The following PDIA5 variants were observed in gnomAD, a reference collection of about 807,000 sequenced individuals.
The protein encoded by PDIA5 is protein disulfide isomerase family A member 5, also known as protein disulfide-isomerase A5.
Under a neutral mutation model 77.6 loss-of-function variants are expected in PDIA5, and 58 were observed. The observed-to-expected ratio is 0.75, with a 90% CI of 0.61 to 0.93. PDIA5 has a LOEUF of 0.93. Among genes scored for constraint, PDIA5 ranks in the 40% least tolerant of loss-of-function variants. PDIA5 has a pLI of 0.00. For missense variants in PDIA5, 630 were observed against 647.7 expected, an observed-to-expected ratio of 0.97 and a Z score of 0.30; for synonymous variants, 250 against 252.1, an observed-to-expected ratio of 0.99 and a Z score of 0.08.
intron 1 of PDIA5, among the ~76,000 whole-genome samples, chr3:123,081,379 G>A (rs776534058): frequency 2.0e-5 from 3 of 152,150 alleles, no homozygotes; most frequent in Non-Finnish European, 2.9e-5. Context: ...TGTTCTTTCC[G>A]CCAAACCACC....
intron 11 of PDIA5, among the ~76,000 whole-genome samples, chr3:123,136,172 T>TG (rs1935498832): frequency 6.6e-6 from 1 of 152,150 alleles, no homozygotes; most frequent in Non-Finnish European, 1.5e-5. Flanking sequence ...TGGGCTCAAG[T>TG]GATTCTCCTG....
chr3:123,116,356 G>C (rs1934998081), intron 8 of PDIA5, 58 bp downstream of exon 8: 2 of 1,349,138 alleles, frequency 1.5e-6, no homozygotes, highest in Admixed American at 1.7e-5. Flanking sequence ...GGCGGAGGAA[G>C]GGTGCCAGGG....
chr3:123,100,372 G>C (rs1247732952), intron 3 of PDIA5, among the ~76,000 whole-genome samples: 2 of 152,262 alleles, frequency 1.3e-5, no homozygotes, highest in Non-Finnish European at 2.9e-5. Context: ...GGATAAGAAA[G>C]TTTTCAGCGG....
rs1040906932 is a variant in PDIA5 at position 123,098,156 on chromosome 3, C to T, written c.258-4255C>T. On this transcript the variant is annotated intron_variant, in intron 3 of 16. Coordinates refer to ENST00000316218, the MANE Select transcript of PDIA5 (RefSeq NM_006810.4). ...TGCTTTATTTAGTCTGACTTGACCC[C>T]GTAGAGAAATCAAGCTCCATTCAGC... Among the ~76,000 whole-genome samples, 8 of 152,054 alleles carry T rather than the reference C, an allele frequency of 5.3e-5. No homozygotes were observed. In the East Asian group the frequency reaches 1.2e-3, roughly 22 times the overall value.
chr3:123,144,746 G>A (rs919027580), intron 11 of PDIA5: 5 of 152,166 alleles, frequency 3.3e-5, no homozygotes, highest in African/African-American at 1.2e-4. Flanking sequence ...AAATTAGCCG[G>A]GCGTGGTGGC....
intron 1 of PDIA5, among the ~76,000 whole-genome samples, chr3:123,082,314 C>T (rs76817198): frequency 0.058 from 8,854 of 152,038 alleles, 494 homozygotes; most frequent in African/African-American, 0.15. Flanking sequence ...GGCCTGGAGT[C>T]GGGAGGCCCA....
chr3:123,101,502 C>T (rs564046498), intron 3 of PDIA5, among the ~76,000 whole-genome samples: 3 of 152,276 alleles, frequency 2.0e-5, no homozygotes, highest in Admixed American at 6.5e-5. Context: ...GGGAGGGGCT[C>T]CTTTAACCAC....
chr3:123,141,454 G>A (rs1368589330), intron 11 of PDIA5, among the ~76,000 whole-genome samples: 1 of 152,204 alleles, frequency 6.6e-6, no homozygotes, highest in African/African-American at 2.4e-5. Context: ...ACTTTGCATG[G>A]ACCACTCACA....
chr3:123,148,041 G>A (rs1252320849), intron 13 of PDIA5, among the ~76,000 whole-genome samples: 1 of 152,214 alleles, frequency 6.6e-6, no homozygotes, highest in Non-Finnish European at 1.5e-5. Context: ...CTCAGGCTAA[G>A]TGCTTTCAGG....
chr3:123,140,750 G>A (rs1560549507), intron 11 of PDIA5, among the ~76,000 whole-genome samples: 1 of 152,240 alleles, frequency 6.6e-6, no homozygotes, highest in Non-Finnish European at 1.5e-5. Context: ...GCGATAGAGT[G>A]TGGAAGCCCA....
chr3:123,112,636 C>T (rs1934892953), intron 7 of PDIA5, among the ~76,000 whole-genome samples: 1 of 150,878 alleles, frequency 6.6e-6, no homozygotes, highest in Non-Finnish European at 1.5e-5. Flanking sequence ...GCGACCTCCG[C>T]CCCCCGGGTT....
rs752511246 is a variant in PDIA5 at position 123,124,297 on chromosome 3, G to A, written c.727G>A (p.Asp243Asn). The A allele has an allele frequency of 1.3e-4, 202 of 1,613,732 alleles. No individual in the cohort carries two copies. The highest frequency in any genetic ancestry group is 1.5e-4 in the Non-Finnish European group (182 of 1,179,712). ...FEKGRFLFQY[D>N]NYGSTAEDIV... Reference sequence around the variant, plus strand: ...GAAAGGACGGTTCTTGTTCCAGTATGACAACTATGGGTCCACAGCTGAGGA... The same window carrying A: ...GAAAGGACGGTTCTTGTTCCAGTATAACAACTATGGGTCCACAGCTGAGGA... The change falls in exon 10 of 17, where the codon GAC (aspartate) becomes AAC (asparagine). Residue 243 changes from aspartate to asparagine, a missense_variant. Physicochemically the swap from Asp to Asn is conservative, Grantham distance 23. Transcript: ENST00000316218.
At chr3:123,143,824 T>C (rs1279365334) in intron 11 of PDIA5, among the ~76,000 whole-genome samples, 8 of 152,234 alleles carry the variant, frequency 5.3e-5, no homozygotes, top group African/African-American at 9.6e-5. Context: ...GGCTAAGCAC[T>C]GTAGCCACTC....
In PDIA5 at chr3:123,113,656, A is replaced by G. The variant is rs193090811; in HGVS notation, c.542-2575A>G. Among the ~76,000 whole-genome samples the G allele has an allele frequency of 1.8e-4, 28 of 152,306 alleles. No individual in the cohort carries two copies. The East Asian group carries it at 5.0e-3, about 27-fold the overall frequency. On this transcript the variant is annotated intron_variant, in intron 7 of 16. Coordinates refer to ENST00000316218, the MANE Select transcript of PDIA5 (RefSeq NM_006810.4). The stretch of plus-strand genomic sequence containing the variant: ...GTGCTTTTAGCACACTAGTCTAATC[A>G]AGTCTCCATGGCATCATAATTCAGC...
chr3:123,131,429 G>C (rs991830810), intron 11 of PDIA5, among the ~76,000 whole-genome samples: 3 of 151,176 alleles, frequency 2.0e-5, no homozygotes, highest in Non-Finnish European at 3.0e-5. Context: ...CAAAAAAAAA[G>C]ACCCTGTCTC....
chr3:123,078,055 G>C (rs554173111), intron 1 of PDIA5, among the ~76,000 whole-genome samples: 3 of 152,094 alleles, frequency 2.0e-5, no homozygotes, highest in African/African-American at 7.2e-5. Context: ...TGATCCGCTC[G>C]CCTCAGCCTC....
intron 7 of PDIA5, among the ~76,000 whole-genome samples, chr3:123,113,226 A>G (rs1273838285): frequency 6.6e-6 from 1 of 152,170 alleles, no homozygotes; most frequent in Admixed American, 6.5e-5. Context: ...AGTGTATATC[A>G]ATATGCAGTG....
intron 1 of PDIA5, among the ~76,000 whole-genome samples, chr3:123,080,831 A>G (rs1933982137): frequency 6.6e-6 from 1 of 152,168 alleles, no homozygotes; most frequent in Non-Finnish European, 1.5e-5. Flanking sequence ...AAGCCTGCAC[A>G]GGGATATTCC....
intron 3 of PDIA5, among the ~76,000 whole-genome samples, chr3:123,100,596 C>T (rs1934564746): frequency 6.6e-6 from 1 of 152,224 alleles, no homozygotes; most frequent in Admixed American, 6.5e-5. Flanking sequence ...GGCTAGACAG[C>T]TGGGACTAGT....
Sources: gnomAD v4.1 joint callset for allele counts (sites outside exome capture counted in the v4.1 genomes callset) on GRCh38, gnomAD v4.1.1 for gene constraint, MANE v1.5 for transcripts, NCBI Gene and HGNC (gene_info 2026-07-23, HGNC 2026-07-21) for gene names.